ITGBL1: variants seen among roughly 807,000 people sequenced by gnomAD.
The protein encoded by ITGBL1 is integrin subunit beta like 1, also known as integrin beta-like protein 1.
Under a neutral mutation model 68.5 loss-of-function variants are expected in ITGBL1, and 51 were observed. The observed-to-expected ratio is 0.74, with a 90% CI of 0.59 to 0.94. ITGBL1 has a LOEUF of 0.94. ITGBL1 is among the 40% of genes least tolerant of loss of function. The probability of loss-of-function intolerance (pLI) is 0.00; values close to 1 mark genes in which losing one functional copy is unlikely to be tolerated. For missense variants in ITGBL1, 649 were observed against 647.4 expected (o/e 1.00, Z -0.03); for synonymous variants, 209 against 227.3 (o/e 0.92, Z 0.72).
chr13:101,669,104 C>A (rs1387393766), intron 7 of ITGBL1, among the ~76,000 whole-genome samples: 2 of 150,178 alleles, frequency 1.3e-5, no homozygotes, highest in Admixed American at 1.3e-4. Context: ...AGTAAGATAC[C>A]TTTTTCGTTA....
chr13:101,677,732 T>C (rs1403149690), intron 7 of ITGBL1, among the ~76,000 whole-genome samples: 1 of 152,244 alleles, frequency 6.6e-6, no homozygotes, highest in South Asian at 2.1e-4. Flanking sequence ...TCTACTTCTC[T>C]GTAACTCTTA....
intron 7 of ITGBL1, among the ~76,000 whole-genome samples, chr13:101,605,037 T>C (rs1248651654): frequency 2.2e-5 from 3 of 136,646 alleles, no homozygotes; most frequent in African/African-American, 8.4e-5. Context: ...TATATATACA[T>C]ATACGCATAT....
intron 7 of ITGBL1, among the ~76,000 whole-genome samples, chr13:101,678,989 C>T (rs2033576230): frequency 6.6e-6 from 1 of 151,956 alleles, no homozygotes; most frequent in African/African-American, 2.4e-5. Context: ...GATCTGCAAC[C>T]TCCGACTCCC....
intron 7 of ITGBL1, among the ~76,000 whole-genome samples, chr13:101,648,740 C>T (rs912707548): frequency 1.3e-5 from 2 of 151,868 alleles, no homozygotes; most frequent in Non-Finnish European, 2.9e-5. Flanking sequence ...CAATGTTAGA[C>T]ATGAAAGAGT....
At chr13:101,541,317 G>T (rs1206132551) in intron 2 of ITGBL1, among the ~76,000 whole-genome samples, 1 of 152,016 alleles carries the variant, frequency 6.6e-6, no homozygotes, top group South Asian at 2.1e-4. Flanking sequence ...ATAATAGATG[G>T]TTTTTGTGGT....
At chr13:101,590,150 A>G (rs1594909759) in intron 6 of ITGBL1, among the ~76,000 whole-genome samples, 1 of 152,214 alleles carries the variant, frequency 6.6e-6, no homozygotes, top group South Asian at 2.1e-4. Flanking sequence ...TCCACAGCTA[A>G]TCTGGCTTTT....
chr13:101,683,266 G>A lies in ITGBL1; in HGVS notation c.1016-9319G>A, dbSNP rs189421551. Among the ~76,000 whole-genome samples, 1,024 of 151,812 alleles carry A rather than the reference G, an allele frequency of 6.7e-3. 17 individuals are homozygous for A. Among genetic ancestry groups the A allele is most frequent in the Admixed American group, 0.024 (368 of 15,222 alleles). On this transcript the variant is annotated intron_variant, in intron 7 of 10. Coordinates refer to ENST00000376180, the MANE Select transcript of ITGBL1 (RefSeq NM_004791.3). Reference sequence around the variant, plus strand: ...TCTATACCTGTCTTTAAAGTTTTCCGCCTAGATATATATTCCCAAACAGTG... The same window carrying A: ...TCTATACCTGTCTTTAAAGTTTTCCACCTAGATATATATTCCCAAACAGTG...
rs186601630 is a variant in ITGBL1, at chr13:101,675,876, G to A, written c.1016-16709G>A. On this transcript the variant is annotated intron_variant, in intron 7 of 10. Transcript: ENST00000376180. ...ATTCTTTTTCTTCCCTATCTAATCT[G>A]GGTATTTTCTACTATCCTATCTTCC... Among the ~76,000 whole-genome samples the A allele has an allele frequency of 4.3e-3, 659 of 152,076 alleles. 8 individuals are homozygous for A. The highest frequency in any genetic ancestry group is 0.015 in the African/African-American group (630 of 41,510).
intron 2 of ITGBL1, among the ~76,000 whole-genome samples, chr13:101,543,523 A>G (rs1420804828): frequency 6.6e-6 from 1 of 151,898 alleles, no homozygotes; most frequent in Non-Finnish European, 1.5e-5. Context: ...GGTGAATCTG[A>G]CAATTATGTG....
At chr13:101,637,495 C>T (rs1267023937) in intron 7 of ITGBL1, among the ~76,000 whole-genome samples, 1 of 151,918 alleles carries the variant, frequency 6.6e-6, no homozygotes, top group East Asian at 1.9e-4. Context: ...AGGCACGTGC[C>T]ACCACACCTG....
At chr13:101,635,106 G>A (rs564170950) in intron 7 of ITGBL1, among the ~76,000 whole-genome samples, 2 of 152,022 alleles carry the variant, frequency 1.3e-5, no homozygotes, top group African/African-American at 4.8e-5. Context: ...AAAAGAAAAT[G>A]AGAATGTACA....
intron 6 of ITGBL1, among the ~76,000 whole-genome samples, chr13:101,595,428 T>G (rs1280515965): frequency 6.6e-6 from 1 of 152,120 alleles, no homozygotes; most frequent in African/African-American, 2.4e-5. Context: ...TCTCTAGTTT[T>G]GGGGATTGCA....
rs142457551 is a variant in ITGBL1 at position 101,686,344 on chromosome 13, AT to A, written c.1016-6240del. Among the ~76,000 whole-genome samples the A allele has an allele frequency of 6.4e-3, 978 of 152,220 alleles. 13 individuals are homozygous for A. Among genetic ancestry groups the A allele is most frequent in the African/African-American group, 0.022 (933 of 41,538 alleles). On this transcript the variant is annotated intron_variant, in intron 7 of 10. Transcript: ENST00000376180. The stretch of plus-strand genomic sequence containing the variant: ...ATGGCAACCATATAAAGAGAAAAAA[AT>A]AATGTGATGTATTTTTCATGGATTA...
At chr13:101,694,540 T>C (rs2033960185) in intron 8 of ITGBL1, among the ~76,000 whole-genome samples, 1 of 152,002 alleles carries the variant, frequency 6.6e-6, no homozygotes, top group African/African-American at 2.4e-5. Flanking sequence ...CCTCTGGCCT[T>C]AACTTACTGA....
intron 2 of ITGBL1, among the ~76,000 whole-genome samples, chr13:101,536,412 A>T (rs955110378): frequency 6.6e-6 from 1 of 152,102 alleles, no homozygotes; most frequent in Admixed American, 6.6e-5. Flanking sequence ...ATATAATTGT[A>T]AAATAAATAA....
At chr13:101,620,166 A>C (rs1449109204) in intron 7 of ITGBL1, among the ~76,000 whole-genome samples, 2 of 152,164 alleles carry the variant, frequency 1.3e-5, no homozygotes, top group African/African-American at 4.8e-5. Flanking sequence ...TTGTAATTCT[A>C]CATTGCAATT....
chr13:101,651,644 TC>T (rs1433465003), intron 7 of ITGBL1, among the ~76,000 whole-genome samples: 6 of 152,214 alleles, frequency 3.9e-5, no homozygotes, highest in African/African-American at 1.4e-4. Flanking sequence ...GATAATAGTT[TC>T]TTTTGCTGTC....
chr13:101,645,013 G>A (rs559633031), intron 7 of ITGBL1, among the ~76,000 whole-genome samples: 5 of 152,258 alleles, frequency 3.3e-5, no homozygotes, highest in Admixed American at 3.3e-4. Context: ...CATTACTCAG[G>A]AATAATTTTT....
At chr13:101,501,777 AG>A (rs2048946900) in intron 2 of ITGBL1, among the ~76,000 whole-genome samples, 2 of 152,190 alleles carry the variant, frequency 1.3e-5, no homozygotes, top group African/African-American at 4.8e-5. Context: ...CCATAAGGTC[AG>A]CACATCTCCA....
Sources: allele counts gnomAD v4.1 joint callset (sites outside exome capture counted in the v4.1 genomes callset), GRCh38; gene constraint gnomAD v4.1.1; transcripts MANE v1.5; gene names NCBI Gene and HGNC (gene_info 2026-07-23, HGNC 2026-07-21).